Variants in GABRR3 observed in about 807,000 individuals in gnomAD.
GABRR3 encodes gamma-aminobutyric acid receptor subunit rho-3.
Under a neutral mutation model 43.2 loss-of-function variants are expected in GABRR3, and 29 were observed. The observed-to-expected ratio is 0.67, with a 90% CI of 0.50 to 0.92. GABRR3 has a LOEUF of 0.92. GABRR3 is among the 40% of genes least tolerant of loss of function. The probability of loss-of-function intolerance (pLI) is 0.00; values close to 1 mark genes in which losing one functional copy is unlikely to be tolerated. For missense variants in GABRR3, 576 were observed against 572.3 expected, an observed-to-expected ratio of 1.01 and a Z score of -0.07; for synonymous variants, 206 against 195.9, an observed-to-expected ratio of 1.05 and a Z score of -0.43.
At chr3:98,011,339 T>C (rs149945264) in intron 5 of GABRR3, among the ~76,000 whole-genome samples, 180 of 152,316 alleles carry the variant, frequency 1.2e-3, no homozygotes, top group Middle Eastern at 6.8e-3. Context: ...GCCAGAACTC[T>C]GAAATCAGTA....
chr3:98,004,799 G>GT (rs1706703730), intron 7 of GABRR3, among the ~76,000 whole-genome samples: 1 of 151,898 alleles, frequency 6.6e-6, no homozygotes, highest in African/African-American at 2.4e-5. Context: ...GGGAGTGGTG[G>GT]TTGTGGCTGG....
At chr3:98,004,313 C>T (rs1706695437) in intron 7 of GABRR3, among the ~76,000 whole-genome samples, 1 of 152,012 alleles carries the variant, frequency 6.6e-6, no homozygotes. Context: ...CATCATGTAT[C>T]CTCACAACCC....
exon 6 of GABRR3, chr3:98,008,988 T>C: frequency 6.2e-7 from 1 of 1,607,730 alleles, no homozygotes; most frequent in Non-Finnish European, 8.5e-7. Context: ...ATTTTGAGTG[T>C]CAAGAGGAAA....
chr3:97,996,489 T>C (rs192835517), intron 8 of GABRR3, among the ~76,000 whole-genome samples: 58 of 152,300 alleles, frequency 3.8e-4, no homozygotes, highest in Non-Finnish European at 7.9e-4. Context: ...GATGATTTTT[T>C]CTCTGAGAGT....
chr3:97,998,847 A>G (rs914759727), intron 8 of GABRR3: 2 of 152,296 alleles, frequency 1.3e-5, no homozygotes, highest in African/African-American at 4.8e-5. Context: ...TACCATGTTA[A>G]CTTGTAATGA....
chr3:97,996,086 T>C (rs948896641), intron 8 of GABRR3, among the ~76,000 whole-genome samples: 5 of 152,176 alleles, frequency 3.3e-5, no homozygotes, highest in African/African-American at 4.8e-5. Context: ...TTTTTAGTCA[T>C]GCATGGTGGA....
At chr3:98,017,588 A>G in intron 4 of GABRR3, 67 bp downstream of exon 4, 2 of 1,037,704 alleles carry the variant, frequency 1.9e-6, no homozygotes, top group Admixed American at 2.0e-5. Context: ...TTAAAACACT[A>G]GTGATTTTGA....
At chr3:98,035,239 A>C in exon 1 of GABRR3, 1 of 465,494 alleles carries the variant, frequency 2.1e-6, no homozygotes, top group Non-Finnish European at 3.8e-6. Context: ...TAAAATTTTC[A>C]GTTTACATCC....
chr3:98,009,243 A>C (rs976469082), intron 5 of GABRR3, among the ~76,000 whole-genome samples: 1 of 152,224 alleles, frequency 6.6e-6, no homozygotes, highest in Admixed American at 6.5e-5. Context: ...CACAGAGTCA[A>C]TGAGTGAATT....
intron 8 of GABRR3, chr3:97,998,842 T>C (rs1352310847): frequency 1.3e-5 from 2 of 152,184 alleles, no homozygotes; most frequent in African/African-American, 2.4e-5. Context: ...AATGTTACCA[T>C]GTTAACTTGT....
intron 2 of GABRR3, among the ~76,000 whole-genome samples, chr3:98,034,062 TG>T (rs1354570055): frequency 2.6e-5 from 4 of 152,192 alleles, no homozygotes. Flanking sequence ...GTTGACCAGA[TG>T]ATACTCTTCA....
rs768618802 is a variant in GABRR3, at chr3:98,007,913, T to C, written c.614-9A>G. 4.5e-6 allele frequency: 7 copies of C among 1,546,584 alleles called. No homozygotes were observed. The highest frequency in any genetic ancestry group is 5.2e-6 in the Non-Finnish European group (6 of 1,146,686). ...ATCCTCATTGTAGGCATCTAAAACA[T>C]GAAAATATCAGTCTTGTAAGTGTAA... On this transcript the variant is annotated splice_polypyrimidine_tract_variant and intron_variant, in intron 6 of 9. Transcript: ENST00000621172.
chr3:98,032,580 C>T (rs575476241), intron 2 of GABRR3, among the ~76,000 whole-genome samples: 3 of 152,244 alleles, frequency 2.0e-5, no homozygotes, highest in East Asian at 1.9e-4. Context: ...CATTTTCCAC[C>T]TGCCATAACT....
intron 2 of GABRR3, among the ~76,000 whole-genome samples, chr3:98,030,272 T>C (rs1433350787): frequency 6.6e-6 from 1 of 152,070 alleles, no homozygotes; most frequent in Non-Finnish European, 1.5e-5. Flanking sequence ...ATTTTCTCGG[T>C]AAAGAAAAAA....
chr3:98,025,719 T>A, intron 2 of GABRR3, 40 bp from the exon 3 acceptor site: 1 of 1,316,114 alleles, frequency 7.6e-7, no homozygotes, highest in African/African-American at 1.5e-5. Flanking sequence ...CTGAGATACA[T>A]ATGCTTCTGG....
In GABRR3 at chr3:98,025,977, C is replaced by T. The variant is rs1442445807; in HGVS notation, c.126-298G>A. ...TTTTAGACCTGGAAAATCCCAATTA[C>T]CTGAGTGGAGGTGATCAAAACTCAG... is the stretch of plus-strand genomic sequence containing the variant. On this transcript the variant is annotated intron_variant, in intron 2 of 9. Transcript: ENST00000621172. 3.3e-5 allele frequency among the ~76,000 whole-genome samples: 5 copies of T among 152,254 alleles called. No individual in the cohort carries two copies. The East Asian group carries it at 9.6e-4, about 29-fold the overall frequency.
intron 2 of GABRR3, among the ~76,000 whole-genome samples, chr3:98,030,202 C>G (rs1384837252): frequency 6.6e-6 from 1 of 151,474 alleles, no homozygotes; most frequent in African/African-American, 2.4e-5. Flanking sequence ...AAATTCATCT[C>G]AAGAACTATA....
intron 8 of GABRR3, 26 bp downstream of exon 8, chr3:98,001,589 T>C (rs2107232063): frequency 6.2e-7 from 1 of 1,611,568 alleles, no homozygotes; most frequent in Non-Finnish European, 8.5e-7. Flanking sequence ...CATGTTAACA[T>C]TTTATAAAGA....
chr3:98,020,870 C>CTTTTTTTTTTTTT (rs59070712), intron 3 of GABRR3, among the ~76,000 whole-genome samples: 2 of 117,446 alleles, frequency 1.7e-5, no homozygotes, highest in Admixed American at 9.1e-5. Context: ...TTTTCTTTTT[C>CTTTTTTTTTTTTT]TTTTTTTTTT....
Sources: gnomAD v4.1 joint callset for allele counts (sites outside exome capture counted in the v4.1 genomes callset) on GRCh38, gnomAD v4.1.1 for gene constraint, MANE v1.5 for transcripts, NCBI Gene and HGNC (gene_info 2026-07-23, HGNC 2026-07-21) for gene names.